Variants in ANXA10 observed in about 807,000 individuals in gnomAD.
ANXA10 encodes the protein annexin 14.
ANXA10 carries 49 observed loss-of-function variants against 53.5 expected under a neutral mutation model. The observed-to-expected ratio is 0.92, with a 90% CI of 0.73 to 1.16. The LOEUF (loss-of-function observed/expected upper bound fraction) is 1.16, where lower values mean the gene tolerates loss of function less well. Ranked by LOEUF, ANXA10 falls within the 50% of genes most tolerant of loss-of-function variation. ANXA10 has a pLI of 0.00. For synonymous variants in ANXA10, 131 were observed against 128.9 expected, an observed-to-expected ratio of 1.02 and a Z score of -0.11; for missense variants, 393 against 394.4, an observed-to-expected ratio of 1.00 and a Z score of 0.03.
intron 1 of ANXA10, among the ~76,000 whole-genome samples, chr4:168,120,676 C>T (rs1730970645): frequency 6.6e-6 from 1 of 151,948 alleles, no homozygotes; most frequent in African/African-American, 2.4e-5. Context: ...ATATCCTCAT[C>T]TTTTACATAA....
intron 3 of ANXA10, among the ~76,000 whole-genome samples, chr4:168,161,255 T>C (rs1239650616): frequency 2.6e-5 from 4 of 152,220 alleles, no homozygotes; most frequent in African/African-American, 9.6e-5. Context: ...AAGGAAGGTA[T>C]ACAGTTTCAG....
chr4:168,122,608 A>G (rs1301309930), intron 1 of ANXA10, among the ~76,000 whole-genome samples: 1 of 152,214 alleles, frequency 6.6e-6, no homozygotes, highest in Non-Finnish European at 1.5e-5. Context: ...TGGTGCTGGC[A>G]TCTCTTGGCT....
intron 6 of ANXA10, among the ~76,000 whole-genome samples, chr4:168,171,494 A>C (rs1731986247): frequency 6.6e-6 from 1 of 152,166 alleles, no homozygotes. Context: ...TCATATTTTT[A>C]ACATCACTAA....
intron 3 of ANXA10, among the ~76,000 whole-genome samples, chr4:168,157,270 T>TA (rs1359538605): frequency 2.3e-5 from 3 of 130,426 alleles, no homozygotes; most frequent in Admixed American, 7.6e-5. Flanking sequence ...TTTCTTTATA[T>TA]TTTTTTTTCT....
chr4:168,100,580 G>C (rs1474895683), intron 1 of ANXA10, among the ~76,000 whole-genome samples: 1 of 152,018 alleles, frequency 6.6e-6, no homozygotes, highest in Admixed American at 6.6e-5. Flanking sequence ...TCTGTTTCCT[G>C]CTACAACTCA....
intron 3 of ANXA10, among the ~76,000 whole-genome samples, chr4:168,153,981 TAC>T (rs35992092): frequency 0.48 from 70,843 of 149,098 alleles, 16,927 homozygotes; most frequent in African/African-American, 0.5. Flanking sequence ...TAGCTATGTA[TAC>T]ACACACACAC....
intron 3 of ANXA10, among the ~76,000 whole-genome samples, chr4:168,154,278 A>G (rs1341053668): frequency 6.6e-6 from 1 of 152,038 alleles, no homozygotes; most frequent in African/African-American, 2.4e-5. Flanking sequence ...ACATTCATCC[A>G]TTATTCTTTC....
chr4:168,103,318 C>T (rs1472515409), intron 1 of ANXA10, among the ~76,000 whole-genome samples: 3 of 151,878 alleles, frequency 2.0e-5, no homozygotes, highest in Non-Finnish European at 4.4e-5. Flanking sequence ...AGGTCTATGA[C>T]AAATTTTGAA....
At position 168,186,845 on chromosome 4, in the gene ANXA10, C is replaced by T. The variant is rs151155079; in HGVS notation, c.907-521C>T. On this transcript the variant is annotated intron_variant, in intron 11 of 11. Coordinates refer to ENST00000359299, the MANE Select transcript of ANXA10 (RefSeq NM_007193.5). ...AACTACCTCACATTATTATACATTG[C>T]TTCTCAGTTTTTCACTATTATACAT... 2.0e-5 allele frequency among the ~76,000 whole-genome samples: 3 copies of T among 152,124 alleles called. No individual in the cohort carries two copies. In the South Asian group the frequency reaches 6.2e-4, roughly 32 times the overall value.
At chr4:168,173,366 G>T (rs1732054646) in intron 6 of ANXA10, among the ~76,000 whole-genome samples, 1 of 152,198 alleles carries the variant, frequency 6.6e-6, no homozygotes, top group Admixed American at 6.5e-5. Context: ...AAATCCTGAA[G>T]CCATTTTAAG....
intron 10 of ANXA10, among the ~76,000 whole-genome samples, chr4:168,183,064 T>C (rs1177481822): frequency 6.7e-6 from 1 of 149,586 alleles, no homozygotes; most frequent in East Asian, 2.0e-4. Context: ...CTCATAGAGA[T>C]AATTATATAC....
At chr4:168,148,876 T>C (rs1323210844) in intron 3 of ANXA10, among the ~76,000 whole-genome samples, 1 of 152,180 alleles carries the variant, frequency 6.6e-6, no homozygotes. Context: ...ATTTCCTCAT[T>C]GTTAGATATT....
Position 168,164,215 on chromosome 4 carries a change from G to A in ANXA10, c.327G>A (p.Glu109=), listed in dbSNP as rs779510102. 3 of 1,611,794 alleles carry A rather than the reference G, an allele frequency of 1.9e-6. 1 individual carries two copies. The highest frequency in any genetic ancestry group is 2.2e-5 in the South Asian group (2 of 90,984). ...TTCTCTAGGGAGTAGGCACTGATGA[G>A]AATTGCCTCATTGAAATACTAGCTT... The part of the protein sequence containing the change: ...WHAMKGVGTD[E]NCLIEILASR... The change falls in exon 5 of 12, where the codon GAG becomes GAA. Residue 109 remains glutamate, a synonymous_variant. Coordinates refer to ENST00000359299, the MANE Select transcript of ANXA10 (RefSeq NM_007193.5).
intron 1 of ANXA10, among the ~76,000 whole-genome samples, chr4:168,105,561 A>G (rs1730707205): frequency 6.6e-6 from 1 of 152,122 alleles, no homozygotes. Context: ...TATTGTGAAT[A>G]GTGCTATAGT....
intron 6 of ANXA10, among the ~76,000 whole-genome samples, chr4:168,169,552 G>T (rs149056672): frequency 3.9e-5 from 6 of 152,140 alleles, no homozygotes; most frequent in African/African-American, 1.4e-4. Context: ...TAACAGGCTG[G>T]ATGCCGATCT....
intron 2 of ANXA10, among the ~76,000 whole-genome samples, chr4:168,136,243 C>T (rs2149471441): frequency 6.6e-6 from 1 of 152,270 alleles, no homozygotes; most frequent in Middle Eastern, 3.4e-3. Context: ...CCCCTGTCCC[C>T]CCACAAATCT....
At chr4:168,149,130 G>GTAGT (rs1268267684) in intron 3 of ANXA10, among the ~76,000 whole-genome samples, 3 of 152,004 alleles carry the variant, frequency 2.0e-5, no homozygotes, top group Admixed American at 6.5e-5. Flanking sequence ...TTTCACTGTG[G>GTAGT]TAGTCAACAG....
At chr4:168,168,686 T>C (rs1298376104) in intron 6 of ANXA10, among the ~76,000 whole-genome samples, 1 of 152,232 alleles carries the variant, frequency 6.6e-6, no homozygotes, top group Non-Finnish European at 1.5e-5. Context: ...CCCAAAGTGC[T>C]GGGATTACAG....
At chr4:168,131,835 A>G (rs1323291471) in intron 2 of ANXA10, among the ~76,000 whole-genome samples, 5 of 152,074 alleles carry the variant, frequency 3.3e-5, no homozygotes, top group Non-Finnish European at 7.4e-5. Context: ...TTGCATTTGC[A>G]TGGTATATAA....
Sources: allele counts gnomAD v4.1 joint callset (sites outside exome capture counted in the v4.1 genomes callset), GRCh38; gene constraint gnomAD v4.1.1; transcripts MANE v1.5; gene names NCBI Gene and HGNC (gene_info 2026-07-23, HGNC 2026-07-21).